The following CADM2 variants were observed in gnomAD, a reference collection of about 807,000 sequenced individuals.
CADM2 encodes the protein cell adhesion molecule 2, also known as immunoglobulin superfamily member 4D.
CADM2 carries 12 observed loss-of-function variants against 49.8 expected under a neutral mutation model. The ratio of observed to expected loss-of-function variants is 0.24; its 90% CI spans 0.15 to 0.39. The LOEUF (loss-of-function observed/expected upper bound fraction) is 0.39, where lower values mean the gene tolerates loss of function less well. Ranked by LOEUF, CADM2 falls within the 10% of genes least tolerant of loss-of-function variation. The pLI, the probability that CADM2 is intolerant of heterozygous loss-of-function variation, is 1.00. For synonymous variants in CADM2, 214 were observed against 175.4 expected, an observed-to-expected ratio of 1.22 and a Z score of -1.74; for missense variants, 378 against 492.3, an observed-to-expected ratio of 0.77 and a Z score of 2.20.
chr3:85,324,891 C>T (rs886158862), intron 1 of CADM2, among the ~76,000 whole-genome samples: 1 of 152,166 alleles, frequency 6.6e-6, no homozygotes, highest in Non-Finnish European at 1.5e-5. Flanking sequence ...TCTCATTCTC[C>T]ATTAATTAAC....
intron 1 of CADM2, among the ~76,000 whole-genome samples, chr3:85,254,876 T>G (rs1260146101): frequency 6.6e-6 from 1 of 152,036 alleles, no homozygotes; most frequent in Non-Finnish European, 1.5e-5. Flanking sequence ...CTTCTGTCTC[T>G]CTCCAGTGCT....
chr3:85,417,133 A>G (rs2035954027), intron 1 of CADM2, among the ~76,000 whole-genome samples: 1 of 152,196 alleles, frequency 6.6e-6, no homozygotes, highest in African/African-American at 2.4e-5. Flanking sequence ...GATTAAAAAA[A>G]GGTAAAGCTT....
At chr3:86,012,984 C>T (rs1432243832) in intron 8 of CADM2, 3 of 876,058 alleles carry the variant, frequency 3.4e-6, no homozygotes, top group Non-Finnish European at 5.7e-6. Flanking sequence ...AAAACAAAAA[C>T]AAAAACCTGA....
intron 1 of CADM2, among the ~76,000 whole-genome samples, chr3:84,999,349 C>T (rs1007067322): frequency 3.3e-5 from 5 of 151,896 alleles, no homozygotes; most frequent in African/African-American, 9.7e-5. Context: ...TTAAAGACAC[C>T]GTATTTAATA....
chr3:85,766,753 A>G (rs545503682), intron 2 of CADM2, among the ~76,000 whole-genome samples: 52 of 152,056 alleles, frequency 3.4e-4, no homozygotes, highest in African/African-American at 1.3e-3. Flanking sequence ...ATGAGCTTTC[A>G]TTTTTTTTCT....
At chr3:85,489,311 T>C (rs1479294691) in intron 1 of CADM2, among the ~76,000 whole-genome samples, 1 of 152,138 alleles carries the variant, frequency 6.6e-6, no homozygotes, top group Non-Finnish European at 1.5e-5. Flanking sequence ...ATGGAGAAAA[T>C]GGAATTCCTA....
intron 1 of CADM2, among the ~76,000 whole-genome samples, chr3:85,307,074 T>C: frequency 6.6e-6 from 1 of 151,626 alleles, no homozygotes; most frequent in Non-Finnish European, 1.5e-5. Context: ...ACAATATTTA[T>C]AGAAGATTTT....
At chr3:86,016,727 G>GTTAA (rs537209075) in intron 8 of CADM2, among the ~76,000 whole-genome samples, 148 of 152,170 alleles carry the variant, frequency 9.7e-4, no homozygotes, top group Admixed American at 3.9e-3. Context: ...TTATGATAAT[G>GTTAA]TTAACACTTA....
At chr3:85,964,515 A>G (rs907109410) in intron 8 of CADM2, among the ~76,000 whole-genome samples, 1 of 151,930 alleles carries the variant, frequency 6.6e-6, no homozygotes. Context: ...AAATGCTACC[A>G]CATTTAATTG....
At chr3:85,832,294 A>G (rs2074219922) in intron 3 of CADM2, among the ~76,000 whole-genome samples, 2 of 151,878 alleles carry the variant, frequency 1.3e-5, no homozygotes, top group Admixed American at 1.3e-4. Flanking sequence ...TTCTTTGGCT[A>G]TTCAGCCTCC....
intron 1 of CADM2, among the ~76,000 whole-genome samples, chr3:85,688,391 A>C (rs2066278032): frequency 1.3e-5 from 2 of 152,136 alleles, no homozygotes; most frequent in South Asian, 4.1e-4. Context: ...AATGCAAATT[A>C]AAACCACAAT....
At chr3:85,358,819 G>C (rs1179188191) in intron 1 of CADM2, among the ~76,000 whole-genome samples, 1 of 152,138 alleles carries the variant, frequency 6.6e-6, no homozygotes. Flanking sequence ...ACTTTAAGAG[G>C]TTGTTTTAGT....
At chr3:85,904,382 G>C (rs1456928969) in intron 5 of CADM2, among the ~76,000 whole-genome samples, 1 of 152,134 alleles carries the variant, frequency 6.6e-6, no homozygotes, top group Non-Finnish European at 1.5e-5. Flanking sequence ...AATAAGAAAT[G>C]CTGGCAGCCT....
intron 2 of CADM2, among the ~76,000 whole-genome samples, chr3:85,796,167 T>A (rs1465198893): frequency 6.6e-6 from 1 of 152,208 alleles, no homozygotes; most frequent in Non-Finnish European, 1.5e-5. Context: ...TTATTAGCAA[T>A]TGCGTGCTTT....
intron 8 of CADM2, among the ~76,000 whole-genome samples, chr3:86,019,102 C>A (rs1732752626): frequency 1.0e-5 from 1 of 97,958 alleles, no homozygotes; most frequent in South Asian, 4.1e-4. Flanking sequence ...ATATGGCTAG[C>A]CAGTTTTCCC....
At chr3:85,323,371 G>A (rs894156138) in intron 1 of CADM2, among the ~76,000 whole-genome samples, 6 of 152,060 alleles carry the variant, frequency 3.9e-5, no homozygotes, top group Admixed American at 6.6e-5. Flanking sequence ...TCTTTGTCCA[G>A]GCATTTTCTT....
In CADM2 at chr3:85,859,224, C is replaced by CTTTTTT. The variant is rs397990427; in HGVS notation, c.239-24046_239-24041dup. ...TACCTTGTGCTTTTCTTTTTTTTGT[C>CTTTTTT]TTTTTTTTTTTTTTTTTTTTTTTTT... is the stretch of plus-strand genomic sequence containing the variant. On this transcript the variant is annotated intron_variant, in intron 3 of 9. Transcript: ENST00000383699. Among the ~76,000 whole-genome samples the CTTTTTT allele has an allele frequency of 2.3e-4, 16 of 70,596 alleles. 1 individual carries two copies. The highest frequency in any genetic ancestry group is 5.3e-4 in the East Asian group (1 of 1,874). The allele number at this position is 70,596 out of a possible 152,430, so 46.3% of individuals were successfully genotyped here.
chr3:85,960,993 T>C (rs1724739072), intron 7 of CADM2, among the ~76,000 whole-genome samples: 1 of 146,746 alleles, frequency 6.8e-6, no homozygotes, highest in East Asian at 2.0e-4. Context: ...ATAATAAGTA[T>C]TATTTAGTAT....
intron 1 of CADM2, among the ~76,000 whole-genome samples, chr3:85,677,498 A>G (rs1027413935): frequency 3.3e-5 from 5 of 152,192 alleles, no homozygotes; most frequent in African/African-American, 7.2e-5. Context: ...GTTGTATACT[A>G]TATGAAGTAA....
Sources: allele counts gnomAD v4.1 joint callset (sites outside exome capture counted in the v4.1 genomes callset), GRCh38; gene constraint gnomAD v4.1.1; transcripts MANE v1.5; gene names NCBI Gene and HGNC (gene_info 2026-07-23, HGNC 2026-07-21).